Variants in EYS observed in about 807,000 individuals in gnomAD.
EYS encodes the protein EGF-like photoreceptor maintenance factor, also known as protein eyes shut homolog.
In EYS, 250 loss-of-function variants were observed where a neutral mutation model predicts 282.1. The ratio of observed to expected loss-of-function variants is 0.89; its 90% CI spans 0.80 to 0.98. The LOEUF is 0.98. EYS is among the 50% of genes least tolerant of loss of function. The probability of loss-of-function intolerance (pLI) is 0.00; values close to 1 mark genes in which losing one functional copy is unlikely to be tolerated. For synonymous variants in EYS, 1,355 were observed against 1,282.9 expected (o/e 1.06, Z -1.20); for missense variants, 4,016 against 3,709.0 (o/e 1.08, Z -2.15).
At position 64,553,732 on chromosome 6, in the gene EYS, T is replaced by C. The variant is rs903127211; in HGVS notation, c.5644+36491A>G. ...TTGGATTCTTTAATGGGGGTTCTTTTAAAAAAGAAAATTACAGCTTTGTAA... is the reference window on the plus strand; with the variant it reads ...TTGGATTCTTTAATGGGGGTTCTTTCAAAAAAGAAAATTACAGCTTTGTAA... On this transcript the variant is annotated intron_variant, in intron 26 of 42. Transcript: ENST00000503581. Among the ~76,000 whole-genome samples the C allele has an allele frequency of 2.6e-4, 40 of 152,044 alleles. 1 individual carries two copies. The highest frequency in any genetic ancestry group is 1.5e-5 in the Non-Finnish European group (1 of 68,014).
At position 65,000,631 on chromosome 6, in the gene EYS, A is replaced by G. The variant is rs957717536; in HGVS notation, c.2138-2928T>C. 9.9e-5 allele frequency among the ~76,000 whole-genome samples: 15 copies of G among 152,070 alleles called. 2 individuals carry two copies. Among genetic ancestry groups the G allele is most frequent in the Admixed American group, 5.2e-4 (8 of 15,272 alleles). On this transcript the variant is annotated intron_variant, in intron 13 of 42. Transcript: ENST00000503581. ...TACTAAAAATATAAAAAAAAAAATT[A>G]GCCGGGCTTGGTGGCACATGCCTGT...
intron 5 of EYS, among the ~76,000 whole-genome samples, chr6:65,465,562 G>T (rs74359056): frequency 8.9e-4 from 136 of 152,174 alleles, no homozygotes; most frequent in African/African-American, 3.2e-3. Context: ...ACATAAGTTA[G>T]AATTTATAGA....
chr6:64,047,856 A>T (rs1041972251), intron 33 of EYS, among the ~76,000 whole-genome samples: 2 of 152,152 alleles, frequency 1.3e-5, no homozygotes, highest in African/African-American at 2.4e-5. Context: ...GGGCTGCAGC[A>T]GAGGCTGGTC....
intron 2 of EYS, among the ~76,000 whole-genome samples, chr6:65,540,636 T>C (rs984095436): frequency 6.6e-6 from 1 of 152,142 alleles, no homozygotes; most frequent in African/African-American, 2.4e-5. Context: ...TAGAGAAAGG[T>C]GGCCGGGTGC....
chr6:64,138,205 G>C (rs1324320268), intron 31 of EYS, among the ~76,000 whole-genome samples: 1 of 152,166 alleles, frequency 6.6e-6, no homozygotes, highest in Non-Finnish European at 1.5e-5. Context: ...AGTCGTAGAC[G>C]AGGAAGGGTT....
chr6:65,463,473 T>A (rs1646879389), intron 5 of EYS, among the ~76,000 whole-genome samples: 1 of 152,168 alleles, frequency 6.6e-6, no homozygotes, highest in Non-Finnish European at 1.5e-5. Context: ...TATTAACCTA[T>A]CATATATTAA....
intron 11 of EYS, among the ~76,000 whole-genome samples, chr6:65,298,335 T>C (rs939039152): frequency 1.3e-5 from 2 of 152,004 alleles, no homozygotes; most frequent in African/African-American, 4.8e-5. Context: ...AAGTCTCTAA[T>C]CTGAACTGTG....
At chr6:64,870,067 T>G (rs768317665) in intron 19 of EYS, among the ~76,000 whole-genome samples, 11 of 151,506 alleles carry the variant, frequency 7.3e-5, no homozygotes, top group Non-Finnish European at 1.6e-4. Flanking sequence ...AGGGTGAGAG[T>G]AAGAAAACAA....
At position 64,063,014 on chromosome 6, in the gene EYS, G is replaced by T. The variant is rs139909132; in HGVS notation, c.6725+3324C>A. Among the ~76,000 whole-genome samples, 3 of 152,272 alleles carry T rather than the reference G, an allele frequency of 2.0e-5. No homozygotes were observed. In the East Asian group the frequency reaches 5.8e-4, roughly 29 times the overall value. On this transcript the variant is annotated intron_variant, in intron 33 of 42. Transcript: ENST00000503581. ...GGAGCATTCGATAAACTTTGCCATT[G>T]CCTTCCATGACACTCTACTCCTTTT...
At chr6:65,672,879 A>AT (rs1768441998) in intron 1 of EYS, among the ~76,000 whole-genome samples, 1 of 151,912 alleles carries the variant, frequency 6.6e-6, no homozygotes. Context: ...GTGAAGGGAG[A>AT]TGGGGTGTGG....
intron 31 of EYS, among the ~76,000 whole-genome samples, chr6:64,110,677 T>C (rs1030727932): frequency 4.6e-5 from 7 of 151,810 alleles, no homozygotes; most frequent in African/African-American, 1.2e-4. Context: ...TTATTTTAGG[T>C]GTGAGAGATT....
At chr6:65,271,288 G>T (rs865965575) in intron 12 of EYS, among the ~76,000 whole-genome samples, 2 of 151,526 alleles carry the variant, frequency 1.3e-5, no homozygotes, top group East Asian at 2.0e-4. Context: ...GTCAATGATG[G>T]TTCCAGTCTG....
intron 29 of EYS, among the ~76,000 whole-genome samples, chr6:64,324,142 A>G (rs1038020283): frequency 2.6e-5 from 4 of 152,194 alleles, no homozygotes; most frequent in African/African-American, 9.6e-5. Flanking sequence ...GCAAACCAGC[A>G]TCAGCCTAAT....
chr6:64,355,400 T>TA (rs1771790218), intron 29 of EYS, among the ~76,000 whole-genome samples: 1 of 151,554 alleles, frequency 6.6e-6, no homozygotes, highest in African/African-American at 2.4e-5. Flanking sequence ...AAGATAACAT[T>TA]AAAAAACTCA....
At chr6:65,429,328 G>A (rs1767788020) in intron 5 of EYS, among the ~76,000 whole-genome samples, 1 of 152,090 alleles carries the variant, frequency 6.6e-6, no homozygotes, top group Non-Finnish European at 1.5e-5. Flanking sequence ...TTATAAAGCC[G>A]CTTACTCTTC....
At chr6:64,340,148 C>A (rs1233993681) in intron 29 of EYS, among the ~76,000 whole-genome samples, 1 of 150,934 alleles carries the variant, frequency 6.6e-6, no homozygotes, top group South Asian at 2.1e-4. Context: ...TATGAAAGAG[C>A]CCTATCCTCT....
intron 35 of EYS, among the ~76,000 whole-genome samples, chr6:63,944,777 T>TA (rs1328568521): frequency 1.3e-5 from 2 of 150,924 alleles, no homozygotes; most frequent in Middle Eastern, 3.4e-3. Context: ...AAAATAAAAA[T>TA]AAAAAAAATA....
At chr6:65,161,198 C>T (rs1346084683) in intron 12 of EYS, among the ~76,000 whole-genome samples, 1 of 151,014 alleles carries the variant, frequency 6.6e-6, no homozygotes, top group African/African-American at 2.4e-5. Flanking sequence ...ACTTGTTAAT[C>T]TGTCTAAAGA....
intron 12 of EYS, among the ~76,000 whole-genome samples, chr6:65,284,075 G>A (rs1768294434): frequency 6.6e-6 from 1 of 152,052 alleles, no homozygotes; most frequent in Non-Finnish European, 1.5e-5. Context: ...TGGAGCGATT[G>A]CTTTCTCACC....
Sources: gnomAD v4.1 joint callset for allele counts (sites outside exome capture counted in the v4.1 genomes callset) on GRCh38, gnomAD v4.1.1 for gene constraint, MANE v1.5 for transcripts, NCBI Gene and HGNC (gene_info 2026-07-23, HGNC 2026-07-21) for gene names.